Variants in ROBO2 observed in about 807,000 individuals in gnomAD.
ROBO2 encodes roundabout homolog 2.
ROBO2 carries 53 observed loss-of-function variants against 160.8 expected under a neutral mutation model. The observed-to-expected ratio is 0.33, with a 90% CI of 0.26 to 0.41. The LOEUF (loss-of-function observed/expected upper bound fraction) is 0.41, where lower values mean the gene tolerates loss of function less well. ROBO2 is among the 10% of genes least tolerant of loss of function. The pLI is 1.00. For synonymous variants in ROBO2, 664 were observed against 611.7 expected (o/e 1.09, Z -1.26); for missense variants, 1,577 against 1,722.4 (o/e 0.92, Z 1.49).
chr3:76,613,203 T>A (rs1169041558), intron 2 of ROBO2, among the ~76,000 whole-genome samples: 1 of 152,184 alleles, frequency 6.6e-6, no homozygotes, highest in East Asian at 1.9e-4. Context: ...CATTCCTGTC[T>A]TCCTTTCAGT....
chr3:76,641,893 A>G (rs1194822802), intron 2 of ROBO2, among the ~76,000 whole-genome samples: 2 of 152,032 alleles, frequency 1.3e-5, no homozygotes, highest in East Asian at 1.9e-4. Flanking sequence ...ATGTACCACC[A>G]TGCCTGGCTA....
intron 2 of ROBO2, among the ~76,000 whole-genome samples, chr3:76,193,562 A>G (rs1208816878): frequency 6.6e-6 from 1 of 152,020 alleles, no homozygotes; most frequent in Non-Finnish European, 1.5e-5. Flanking sequence ...TTTCCCTTTC[A>G]CTTCCTCCAA....
At chr3:76,602,548 G>A (rs928316701) in intron 2 of ROBO2, among the ~76,000 whole-genome samples, 3 of 152,210 alleles carry the variant, frequency 2.0e-5, no homozygotes, top group Admixed American at 1.3e-4. Context: ...GAGAGAATGC[G>A]AATCAAGTGA....
intron 2 of ROBO2, among the ~76,000 whole-genome samples, chr3:76,107,314 A>G (rs2069983517): frequency 6.6e-6 from 1 of 152,070 alleles, no homozygotes; most frequent in Non-Finnish European, 1.5e-5. Context: ...CAAACTTTGG[A>G]GCCTGTGTGT....
At chr3:77,588,322 A>T (rs1434340933) in intron 16 of ROBO2, among the ~76,000 whole-genome samples, 1 of 152,098 alleles carries the variant, frequency 6.6e-6, no homozygotes, top group African/African-American at 2.4e-5. Context: ...TGAATTATGA[A>T]CATTTGGAAT....
chr3:76,635,334 A>G (rs1486635066), intron 2 of ROBO2, among the ~76,000 whole-genome samples: 1 of 152,198 alleles, frequency 6.6e-6, no homozygotes, highest in Non-Finnish European at 1.5e-5. Flanking sequence ...TAAGGTAGCT[A>G]GAGATTTTGT....
intron 17 of ROBO2, among the ~76,000 whole-genome samples, chr3:77,593,587 A>G (rs181665614): frequency 7.4e-4 from 112 of 152,320 alleles, no homozygotes; most frequent in African/African-American, 2.6e-3. Context: ...AAGTTCCTAA[A>G]AGCCCTGATA....
intron 1 of ROBO2, among the ~76,000 whole-genome samples, chr3:77,096,278 G>T (rs2071046377): frequency 6.6e-6 from 1 of 152,040 alleles, no homozygotes; most frequent in Non-Finnish European, 1.5e-5. Flanking sequence ...CATATATGGT[G>T]ATTCCTCTCA....
intron 2 of ROBO2, among the ~76,000 whole-genome samples, chr3:75,983,944 C>G (rs553413366): frequency 3.3e-4 from 50 of 151,368 alleles, no homozygotes; most frequent in Non-Finnish European, 5.0e-4. Flanking sequence ...TCACTCTGCC[C>G]GATCCTTTGC....
chr3:75,913,129 A>C (rs768280376), intron 1 of ROBO2, among the ~76,000 whole-genome samples: 1 of 152,074 alleles, frequency 6.6e-6, no homozygotes, highest in Non-Finnish European at 1.5e-5. Flanking sequence ...ACCTGTATTC[A>C]TTGTCTTTTA....
chr3:77,537,929 C>T (rs555644469), intron 6 of ROBO2, among the ~76,000 whole-genome samples: 7 of 152,126 alleles, frequency 4.6e-5, no homozygotes, highest in South Asian at 4.2e-4. Flanking sequence ...TCCCAAGACC[C>T]GTGGGAATTG....
chr3:77,278,497 T>A (rs183345147), intron 2 of ROBO2, among the ~76,000 whole-genome samples: 18 of 152,284 alleles, frequency 1.2e-4, no homozygotes, highest in Admixed American at 1.1e-3. Context: ...TGATGATATG[T>A]GAATGATGAG....
chr3:76,580,397 A>G (rs2085625514), intron 2 of ROBO2, among the ~76,000 whole-genome samples: 1 of 110,202 alleles, frequency 9.1e-6, no homozygotes, highest in Non-Finnish European at 1.7e-5. Context: ...CAGTATCTTC[A>G]GTTCTCCATG....
chr3:77,311,969 CCAGCTACTGGGGA>C (rs2063579583), intron 2 of ROBO2, among the ~76,000 whole-genome samples: 1 of 151,902 alleles, frequency 6.6e-6, no homozygotes, highest in African/African-American at 2.4e-5. Context: ...ACCTGTAATC[CCAGCTACTGGGGA>C]GGCTGAGGCA....
chr3:77,325,242 G>T (rs1045269762), intron 2 of ROBO2, among the ~76,000 whole-genome samples: 1 of 152,118 alleles, frequency 6.6e-6, no homozygotes, highest in Admixed American at 6.5e-5. Context: ...GAAAGAAAAT[G>T]AACCTGTTTA....
At chr3:76,987,841 T>G (rs1394372006) in intron 2 of ROBO2, among the ~76,000 whole-genome samples, 1 of 152,146 alleles carries the variant, frequency 6.6e-6, no homozygotes, top group Non-Finnish European at 1.5e-5. Context: ...CGAGAATTTT[T>G]TTTTGCATGG....
chr3:76,308,399 A>AG (rs2071424504), intron 2 of ROBO2, among the ~76,000 whole-genome samples: 3 of 139,154 alleles, frequency 2.2e-5, no homozygotes, highest in Non-Finnish European at 4.8e-5. Context: ...AAAAAAAAAG[A>AG]AAGAAAGAAA....
At position 77,607,784 on chromosome 3, in the gene ROBO2, G is replaced by GTTA; in HGVS notation, c.3137-10_3137-8dup. 6.2e-7 allele frequency: 1 copy of GTTA among 1,611,708 alleles called. No individual in the cohort carries two copies. Among genetic ancestry groups the GTTA allele is most frequent in the Non-Finnish European group, 8.5e-7 (1 of 1,178,086 alleles). On this transcript the variant is annotated splice_polypyrimidine_tract_variant and intron_variant, in intron 20 of 25. Transcript: ENST00000461745. ...CTATTTGGCATCTCTGAATAAATAC[G>GTTA]TTATTACTTTCAGGTGGGAAAGGTG...
chr3:76,069,965 C>A (rs902742260), intron 2 of ROBO2, among the ~76,000 whole-genome samples: 1 of 152,202 alleles, frequency 6.6e-6, no homozygotes, highest in African/African-American at 2.4e-5. Context: ...GGACACTTAT[C>A]ACTTCCCCAA....
Sources: allele counts gnomAD v4.1 joint callset (sites outside exome capture counted in the v4.1 genomes callset), GRCh38; gene constraint gnomAD v4.1.1; transcripts MANE v1.5; gene names NCBI Gene and HGNC (gene_info 2026-07-23, HGNC 2026-07-21).